Variants in HTR2C observed in about 807,000 individuals in gnomAD.
HTR2C encodes 5-hydroxytryptamine (serotonin) receptor 2C, G protein-coupled.
HTR2C carries 5 observed loss-of-function variants against 21.0 expected under a neutral mutation model. That is an observed-to-expected ratio of 0.24 (90% CI 0.12 to 0.50). The LOEUF (loss-of-function observed/expected upper bound fraction) is 0.50. Ranked by LOEUF, HTR2C falls within the 20% of genes least tolerant of loss-of-function variation. HTR2C has a pLI of 0.98. For missense variants in HTR2C, 271 were observed against 371.2 expected (o/e 0.73, Z 2.22); for synonymous variants, 150 against 145.3 (o/e 1.03, Z -0.23).
intron 5 of HTR2C, among the ~76,000 whole-genome samples, chrX:114,873,954 C>T (rs1229151206): frequency 9.0e-6 from 1 of 110,597 alleles, no homozygotes; most frequent in East Asian, 2.8e-4. Flanking sequence ...AACCCCAGCC[C>T]CAGAAATACA....
At chrX:114,718,448 G>A (rs187509519) in intron 2 of HTR2C, among the ~76,000 whole-genome samples, 30 of 112,080 alleles carry the variant, frequency 2.7e-4, no homozygotes, top group African/African-American at 9.7e-4. Context: ...AGCCATATAA[G>A]CATAGATTTC....
At chrX:114,640,607 C>G (rs1411432519) in intron 2 of HTR2C, among the ~76,000 whole-genome samples, 2 of 112,023 alleles carry the variant, frequency 1.8e-5, no homozygotes, top group Non-Finnish European at 1.9e-5. Context: ...ATGGTTGGCT[C>G]TTTTGGTAAC....
chrX:114,639,981 A>G (rs1286698874), intron 2 of HTR2C, among the ~76,000 whole-genome samples: 1 of 111,809 alleles, frequency 8.9e-6, no homozygotes, highest in African/African-American at 3.2e-5. Context: ...ATAGAACTTT[A>G]TAACTTTCAA....
intron 2 of HTR2C, among the ~76,000 whole-genome samples, chrX:114,698,887 C>T (rs782537935): frequency 4.5e-5 from 5 of 111,675 alleles, no homozygotes; most frequent in African/African-American, 1.6e-4. Context: ...TTTTTCCATC[C>T]AGGTAGGAGC....
At chrX:114,879,404 G>T (rs2071163446) in intron 5 of HTR2C, among the ~76,000 whole-genome samples, 1 of 108,984 alleles carries the variant, frequency 9.2e-6, no homozygotes, top group Admixed American at 9.8e-5. Context: ...CTTAGAATTG[G>T]GATTCTCTTA....
chrX:114,727,091 C>A, intron 3 of HTR2C, 120 bp downstream of exon 3: 1 of 410,496 alleles, frequency 2.4e-6, no homozygotes, highest in Admixed American at 6.0e-5. Context: ...GCATAAATGG[C>A]TTGCTTCCCA....
chrX:114,743,325 A>G (rs1556425599), intron 4 of HTR2C, among the ~76,000 whole-genome samples: 1 of 111,139 alleles, frequency 9.0e-6, no homozygotes, highest in African/African-American at 3.3e-5. Flanking sequence ...TGTTGGTGGG[A>G]CTGTAAACTA....
chrX:114,707,160 TGAA>T (rs1336311288), intron 2 of HTR2C, among the ~76,000 whole-genome samples: 1 of 111,757 alleles, frequency 8.9e-6, no homozygotes, highest in Non-Finnish European at 1.9e-5. Flanking sequence ...GTAAAAAAAT[TGAA>T]GAACTAATTT....
chrX:114,879,159 C>T (rs972005837), intron 5 of HTR2C, among the ~76,000 whole-genome samples: 1 of 107,902 alleles, frequency 9.3e-6, no homozygotes, highest in Non-Finnish European at 1.9e-5. Context: ...TATTTTGGGG[C>T]TCTGTTAGTA....
intron 4 of HTR2C, chrX:114,823,554 C>A (rs2070654256): frequency 5.8e-6 from 2 of 341,935 alleles, no homozygotes; most frequent in South Asian, 2.6e-5. Context: ...ATCTCCCAGC[C>A]CACTTCGTCA....
intron 2 of HTR2C, among the ~76,000 whole-genome samples, chrX:114,672,088 C>G (rs1010500928): frequency 9.0e-6 from 1 of 111,578 alleles, no homozygotes; most frequent in Non-Finnish European, 1.9e-5. Context: ...TAAATATAAA[C>G]AAGAAGAATA....
intron 5 of HTR2C, among the ~76,000 whole-genome samples, chrX:114,892,768 A>G (rs940727305): frequency 9.1e-6 from 1 of 110,373 alleles, no homozygotes; most frequent in Non-Finnish European, 1.9e-5. Flanking sequence ...ATGATATTAC[A>G]TGTTTTTGAA....
rs187410285 is a variant in HTR2C, at chrX:114,713,667, G to T, written c.-79-13191G>T. 2.7e-5 allele frequency among the ~76,000 whole-genome samples: 3 copies of T among 111,617 alleles called. No homozygotes were observed. The East Asian group carries it at 8.4e-4, about 31-fold the overall frequency. On this transcript the variant is annotated intron_variant, in intron 2 of 5. Transcript: ENST00000276198. ...AAATTTCAGTGATCAATAGTTCATA[G>T]ATTTTTTATATTAGGTAAGTTACTT...
intron 4 of HTR2C, among the ~76,000 whole-genome samples, chrX:114,835,696 T>C (rs1424073581): frequency 1.8e-5 from 2 of 112,317 alleles, no homozygotes; most frequent in South Asian, 3.7e-4. Context: ...GAAGCCTTCT[T>C]CTCTCAGCTC....
At chrX:114,615,873 A>G (rs1364773543) in intron 2 of HTR2C, among the ~76,000 whole-genome samples, 2 of 111,982 alleles carry the variant, frequency 1.8e-5, no homozygotes, top group Non-Finnish European at 3.8e-5. Flanking sequence ...CAAATTCATC[A>G]TAATGTGGCA....
At chrX:114,682,103 A>G (rs1044014673) in intron 2 of HTR2C, among the ~76,000 whole-genome samples, 2 of 111,591 alleles carry the variant, frequency 1.8e-5, no homozygotes, top group African/African-American at 6.5e-5. Context: ...AAATGTATAC[A>G]TGCCATTAAG....
intron 5 of HTR2C, among the ~76,000 whole-genome samples, chrX:114,872,368 C>G (rs937312983): frequency 2.7e-5 from 3 of 110,353 alleles, no homozygotes; most frequent in African/African-American, 9.8e-5. Flanking sequence ...TGCTCATTTT[C>G]TAGTTTTCTT....
At position 114,739,776 on chromosome X, in the gene HTR2C, A is replaced by C. The variant is rs1294348597; in HGVS notation, c.349+8169A>C. 1.9e-4 allele frequency among the ~76,000 whole-genome samples: 21 copies of C among 111,927 alleles called. No homozygotes were observed. The Admixed American group carries it at 2.0e-3, about 11-fold the overall frequency. On this transcript the variant is annotated intron_variant, in intron 4 of 5. Transcript: ENST00000276198. ...AATCCAGCACTCAATAGAAGAAATG[A>C]ACTAAAGATGTGAGTAGGCAATTTG...
chrX:114,896,857 C>T (rs1264629504), intron 5 of HTR2C, among the ~76,000 whole-genome samples: 1 of 111,646 alleles, frequency 9.0e-6, no homozygotes, highest in African/African-American at 3.2e-5. Context: ...ATCAATATGA[C>T]TAGGTTTAAG....
Sources: gnomAD v4.1 joint callset for allele counts (sites outside exome capture counted in the v4.1 genomes callset) on GRCh38, gnomAD v4.1.1 for gene constraint, MANE v1.5 for transcripts, NCBI Gene and HGNC (gene_info 2026-07-23, HGNC 2026-07-21) for gene names.